LINGO1: variants seen among roughly 807,000 people sequenced by gnomAD.
LINGO1 encodes leucine-rich repeat and immunoglobulin-like domain-containing nogo receptor-interacting protein 1.
In LINGO1, 11 loss-of-function variants were observed where a neutral mutation model predicts 37.3. The observed-to-expected ratio is 0.29, with a 90% CI of 0.19 to 0.49. The LOEUF (loss-of-function observed/expected upper bound fraction) is 0.49. Ranked by LOEUF, LINGO1 falls within the 20% of genes least tolerant of loss-of-function variation. LINGO1 has a pLI of 0.99. For synonymous variants in LINGO1, 387 were observed against 403.0 expected (o/e 0.96, Z 0.48); for missense variants, 585 against 878.2 (o/e 0.67, Z 4.22).
chr15:77,654,790 A>C (rs1456894170), intron 3 of LINGO1, among the ~76,000 whole-genome samples: 1 of 152,172 alleles, frequency 6.6e-6, no homozygotes, highest in Non-Finnish European at 1.5e-5. Flanking sequence ...CCCGTGTTAC[A>C]TGGAAATAAT....
chr15:77,759,705 C>T (rs565162066), intron 1 of LINGO1, among the ~76,000 whole-genome samples: 252 of 152,298 alleles, frequency 1.7e-3, no homozygotes, highest in Non-Finnish European at 2.9e-3. Flanking sequence ...GCACTGGAGC[C>T]GGCGACTGGG....
chr15:77,679,907 T>C (rs994054859), intron 2 of LINGO1, among the ~76,000 whole-genome samples: 1 of 152,234 alleles, frequency 6.6e-6, no homozygotes, highest in Non-Finnish European at 1.5e-5. Context: ...GCCGTGGCTC[T>C]TCTGAAACCT....
chr15:77,647,705 C>G (rs554795423), intron 3 of LINGO1: 2 of 367,278 alleles, frequency 5.4e-6, no homozygotes, highest in Admixed American at 6.8e-5. Flanking sequence ...CCTGGCAAAA[C>G]GTTGCACACC....
intron 1 of LINGO1, among the ~76,000 whole-genome samples, chr15:77,749,662 GCC>G (rs1187887396): frequency 6.6e-6 from 1 of 152,304 alleles, no homozygotes; most frequent in East Asian, 1.9e-4. Flanking sequence ...GCTCCCTGCT[GCC>G]CAGTGAAGCT....
At chr15:77,738,320 C>T (rs2076222900) in intron 1 of LINGO1, among the ~76,000 whole-genome samples, 1 of 152,174 alleles carries the variant, frequency 6.6e-6, no homozygotes, top group South Asian at 2.1e-4. Context: ...GCCCATGGTA[C>T]AGACTGAAGT....
At chr15:77,738,815 A>AAGGAAG (rs2076230155) in intron 1 of LINGO1, among the ~76,000 whole-genome samples, 1 of 109,722 alleles carries the variant, frequency 9.1e-6, no homozygotes, top group Non-Finnish European at 1.9e-5. Flanking sequence ...AAGGAAGGAA[A>AAGGAAG]GAAGGAAGGA....
Position 77,615,694 on chromosome 15 carries a change from G to T in LINGO1, c.213C>A (p.Thr71=). ...TGCCTAGGTCCAGCAGGCGCGTCTC[G>T]GTGGGGATGCCCTCGGGGACTGCCA... is the stretch of plus-strand genomic sequence containing the variant. The part of the protein sequence containing the change: ...RFVAVPEGIP[T]ETRLLDLGKN... The change falls in exon 2 of 2, where the codon ACC becomes ACA. Residue 71 remains threonine (T), a synonymous_variant. Transcript: ENST00000355300. The T allele has an allele frequency of 6.2e-7, 1 of 1,604,608 alleles. No homozygotes were observed.
intron 3 of LINGO1, among the ~76,000 whole-genome samples, chr15:77,662,395 G>C (rs1200053776): frequency 6.6e-6 from 1 of 152,126 alleles, no homozygotes; most frequent in African/African-American, 2.4e-5. Flanking sequence ...TGGGGATGAG[G>C]GGGCAGGAAA....
chr15:77,802,641 G>A (rs552729181), intron 1 of LINGO1, among the ~76,000 whole-genome samples: 2 of 152,150 alleles, frequency 1.3e-5, no homozygotes, highest in East Asian at 1.9e-4. Flanking sequence ...TGCACAGCTC[G>A]TGTTCCACCT....
At chr15:77,797,966 G>A (rs1262896265) in intron 1 of LINGO1, among the ~76,000 whole-genome samples, 1 of 152,178 alleles carries the variant, frequency 6.6e-6, no homozygotes, top group Non-Finnish European at 1.5e-5. Flanking sequence ...CTTCTCCAAG[G>A]AGGCAGAGAA....
chr15:77,802,454 T>C (rs920136515), intron 1 of LINGO1, among the ~76,000 whole-genome samples: 6 of 151,888 alleles, frequency 4.0e-5, no homozygotes, highest in Middle Eastern at 3.2e-3. Flanking sequence ...TTAGGAGGTA[T>C]AGGCAGCCAG....
chr15:77,776,538 G>GAGGA (rs1555541395), intron 1 of LINGO1, among the ~76,000 whole-genome samples: 1 of 34,350 alleles, frequency 2.9e-5, no homozygotes, highest in Non-Finnish European at 6.9e-5. Context: ...GGGAGGGAGG[G>GAGGA]AGGGAGGGAG....
chr15:77,682,295 T>TGTGTGTGG (rs1567518009), intron 2 of LINGO1, among the ~76,000 whole-genome samples: 1 of 151,814 alleles, frequency 6.6e-6, no homozygotes, highest in East Asian at 1.9e-4. Context: ...TGTGTGTGTG[T>TGTGTGTGG]GTGTGTGTGT....
chr15:77,619,812 A>G (rs2142513657), intron 1 of LINGO1, among the ~76,000 whole-genome samples: 1 of 152,368 alleles, frequency 6.6e-6, no homozygotes, highest in South Asian at 2.1e-4. Flanking sequence ...CAGGCCTGGC[A>G]GTTGGTCCCA....
At chr15:77,783,791 C>G (rs1249646552) in intron 1 of LINGO1, among the ~76,000 whole-genome samples, 2 of 152,220 alleles carry the variant, frequency 1.3e-5, no homozygotes, top group Non-Finnish European at 2.9e-5. Flanking sequence ...GGAAGCTAGA[C>G]CCAAATCCAG....
rs574741925 is a variant in LINGO1 at position 77,669,480 on chromosome 15, C to T, written c.-13+7609G>A. Reference sequence around the variant, plus strand: ...GGCAGGGAAAACCGAGAGAGGTACACACCAGAGGAAGGGAGAGAGGACATC... The same window carrying T: ...GGCAGGGAAAACCGAGAGAGGTACATACCAGAGGAAGGGAGAGAGGACATC... On this transcript the variant is annotated intron_variant, in intron 3 of 3. Transcript: ENST00000559893. Among the ~76,000 whole-genome samples, 35 of 152,322 alleles carry T rather than the reference C, an allele frequency of 2.3e-4. No homozygotes were observed. In the South Asian group the frequency reaches 3.1e-3, roughly 14 times the overall value.
chr15:77,694,543 C>T (rs916812992), intron 1 of LINGO1, among the ~76,000 whole-genome samples: 1 of 152,172 alleles, frequency 6.6e-6, no homozygotes, highest in Non-Finnish European at 1.5e-5. Context: ...GCTGCCAAGA[C>T]TCCCATCCCT....
chr15:77,664,374 C>G (rs2141182212), intron 3 of LINGO1, among the ~76,000 whole-genome samples: 1 of 152,208 alleles, frequency 6.6e-6, no homozygotes, highest in East Asian at 1.9e-4. Flanking sequence ...GCTGGTGCCC[C>G]AGGCCTGTCT....
chr15:77,742,697 A>C (rs985704194), intron 1 of LINGO1, among the ~76,000 whole-genome samples: 7 of 152,238 alleles, frequency 4.6e-5, no homozygotes, highest in African/African-American at 1.7e-4. Context: ...AGCCTGCTGG[A>C]GAGCTGGTGT....
Sources: gnomAD v4.1 joint callset for allele counts (sites outside exome capture counted in the v4.1 genomes callset) on GRCh38, gnomAD v4.1.1 for gene constraint, MANE v1.5 for transcripts, NCBI Gene and HGNC (gene_info 2026-07-23, HGNC 2026-07-21) for gene names.